Variants in MYBL1 observed in about 807,000 individuals in gnomAD.
MYBL1 encodes myb-related protein A.
MYBL1 carries 17 observed loss-of-function variants against 96.3 expected under a neutral mutation model. The observed-to-expected ratio is 0.18, with a 90% CI of 0.12 to 0.26. The LOEUF is 0.26. Among genes scored for constraint, MYBL1 ranks in the 10% least tolerant of loss-of-function variants. The probability of loss-of-function intolerance (pLI) is 1.00; values close to 1 mark genes in which losing one functional copy is unlikely to be tolerated. For synonymous variants in MYBL1, 282 were observed against 292.7 expected (o/e 0.96, Z 0.37); for missense variants, 701 against 882.9 (o/e 0.79, Z 2.61).
intron 6 of MYBL1, among the ~76,000 whole-genome samples, chr8:66,593,822 A>G (rs1401226574): frequency 6.6e-6 from 1 of 152,168 alleles, no homozygotes; most frequent in Non-Finnish European, 1.5e-5. Flanking sequence ...AAGAAATATG[A>G]GAGGAGGTGT....
intron 15 of MYBL1, among the ~76,000 whole-genome samples, chr8:66,565,765 T>G (rs1332664953): frequency 6.6e-6 from 1 of 152,094 alleles, no homozygotes; most frequent in Non-Finnish European, 1.5e-5. Flanking sequence ...TATACATATT[T>G]GTTACAGGAG....
At chr8:66,566,287 G>T (rs1808500506) in intron 14 of MYBL1, 44 bp from the exon 15 acceptor site, 1 of 1,156,480 alleles carries the variant, frequency 8.6e-7, no homozygotes. Flanking sequence ...ATTCAAAAAT[G>T]GAGACAAATG....
At chr8:66,568,889 T>C (rs549925943) in intron 12 of MYBL1, among the ~76,000 whole-genome samples, 6 of 151,854 alleles carry the variant, frequency 4.0e-5, no homozygotes, top group African/African-American at 1.4e-4. Context: ...GCCAGGGTGG[T>C]GGTGGGCACC....
At chr8:66,601,177 CAAAA>C (rs1167336780) in intron 3 of MYBL1, among the ~76,000 whole-genome samples, 2 of 13,900 alleles carry the variant, frequency 1.4e-4, no homozygotes, top group Admixed American at 7.8e-4. Context: ...AACTCCGTCT[CAAAA>C]AAAAAAAAAA....
intron 12 of MYBL1, 66 bp from the exon 13 acceptor site, chr8:66,567,058 G>C (rs1586547435): frequency 9.8e-7 from 1 of 1,023,818 alleles, no homozygotes; most frequent in African/African-American, 1.6e-5. Context: ...CCTATATATA[G>C]GAAACCCATC....
rs749167416 is a variant in MYBL1 at position 66,564,737 on chromosome 8, T to G, written c.2219A>C (p.Tyr740Ser). The G allele has an allele frequency of 4.4e-6, 7 of 1,585,426 alleles. No homozygotes were observed. The highest frequency in any genetic ancestry group is 6.0e-6 in the Non-Finnish European group (7 of 1,162,930). The change falls in exon 16 of 16, where the codon TAC becomes TCC. Residue 740 changes from tyrosine (Y) to serine (S), a missense_variant. Coordinates refer to ENST00000522677, the MANE Select transcript of MYBL1 (RefSeq NM_001080416.4). ...TEQARRYLSTYTATSSTSRAL... is the reference protein window; with the variant it reads ...TEQARRYLSTSTATSSTSRAL... ...TCTTGAAGTACTACTGGTAGCTGTG[T>G]AAGTACTCAGATATCTTCTTGCTTG...
At chr8:66,601,151 T>C (rs1351640629) in intron 3 of MYBL1, among the ~76,000 whole-genome samples, 19 of 116,298 alleles carry the variant, frequency 1.6e-4, no homozygotes, top group African/African-American at 6.6e-4. Flanking sequence ...CCCTCCAGAC[T>C]GGGCAACAAG....
chr8:66,595,446 CAA>C (rs1327421853), intron 6 of MYBL1, 135 bp downstream of exon 6: 20 of 426,806 alleles, frequency 4.7e-5, no homozygotes, highest in Middle Eastern at 6.2e-4. Flanking sequence ...ATTTATAAAT[CAA>C]AGTTACACAT....
chr8:66,612,755 G>A, intron 1 of MYBL1, 64 bp downstream of exon 1: 1 of 1,336,536 alleles, frequency 7.5e-7, no homozygotes, highest in East Asian at 2.8e-5. Context: ...GGGGCAGCGG[G>A]ATAGGAAAGA....
At chr8:66,572,318 TCAAAAAAAAAA>T (rs1037915191) in intron 12 of MYBL1, among the ~76,000 whole-genome samples, 153 bp downstream of exon 12, 4 of 146,386 alleles carry the variant, frequency 2.7e-5, no homozygotes, top group Non-Finnish European at 6.0e-5. Context: ...AGACTCCGTC[TCAAAAAAAAAA>T]CAAAAAAAAA....
In MYBL1 at chr8:66,595,777, A is replaced by G. The variant is rs755123140; in HGVS notation, c.513-20T>C. On this transcript the variant is annotated intron_variant, in intron 5 of 15. Transcript: ENST00000522677. ...TCAGTCCTAAGAAAGGAAAGGTATG[A>G]TTTAAAAAGAAAAAAGGATTCCACA... 6.9e-7 allele frequency: 1 copy of G among 1,445,170 alleles called. No homozygotes were observed. The highest frequency in any genetic ancestry group is 1.4e-5 in the South Asian group (1 of 69,824). The allele number at this position is 1,445,170 out of a possible 1,614,324, so 89.5% of individuals were successfully genotyped here. A position where few individuals can be genotyped will look rare whatever the true frequency, so the allele number is the denominator to read the frequency against.
chr8:66,600,954 T>C (rs1810043258), intron 3 of MYBL1, among the ~76,000 whole-genome samples: 1 of 151,900 alleles, frequency 6.6e-6, no homozygotes, highest in Non-Finnish European at 1.5e-5. Flanking sequence ...TTAGATCACC[T>C]GAGGTCGGGA....
At chr8:66,601,964 T>C (rs573551286) in intron 2 of MYBL1, among the ~76,000 whole-genome samples, 195 bp from the exon 3 acceptor site, 9 of 152,324 alleles carry the variant, frequency 5.9e-5, no homozygotes, top group Admixed American at 1.3e-4. Context: ...TTCATGTCTC[T>C]GGTTGAAGAA....
At chr8:66,594,896 C>G (rs1809790601) in intron 6 of MYBL1, among the ~76,000 whole-genome samples, 1 of 152,270 alleles carries the variant, frequency 6.6e-6, no homozygotes, top group South Asian at 2.1e-4. Flanking sequence ...CTGACTTAAT[C>G]TTTACAATTT....
chr8:66,596,884 T>G (rs1489014804), intron 5 of MYBL1, among the ~76,000 whole-genome samples: 2 of 152,182 alleles, frequency 1.3e-5, no homozygotes, highest in Non-Finnish European at 2.9e-5. Context: ...ATACCATAAT[T>G]AATTAAGATT....
intron 1 of MYBL1, among the ~76,000 whole-genome samples, chr8:66,607,013 G>A (rs929118217): frequency 2.6e-5 from 4 of 151,788 alleles, no homozygotes. Flanking sequence ...GGCTGGTCTC[G>A]AACTCCTGAC....
intron 8 of MYBL1, among the ~76,000 whole-genome samples, chr8:66,587,255 T>C (rs528673113): frequency 6.6e-6 from 1 of 152,284 alleles, no homozygotes; most frequent in Non-Finnish European, 1.5e-5. Flanking sequence ...AGGTGATGGA[T>C]ATGCTAATTA....
chr8:66,567,153 A>G (rs1447163537), intron 12 of MYBL1, among the ~76,000 whole-genome samples, 161 bp from the exon 13 acceptor site: 1 of 152,202 alleles, frequency 6.6e-6, no homozygotes, highest in African/African-American at 2.4e-5. Flanking sequence ...TGGCAAAACA[A>G]TATTATACAT....
intron 1 of MYBL1, among the ~76,000 whole-genome samples, chr8:66,611,846 G>C (rs956375869): frequency 6.6e-6 from 1 of 152,178 alleles, no homozygotes; most frequent in Non-Finnish European, 1.5e-5. Context: ...TTCAACTTAG[G>C]AAATACATCT....
Sources: gnomAD v4.1 joint callset for allele counts (sites outside exome capture counted in the v4.1 genomes callset) on GRCh38, gnomAD v4.1.1 for gene constraint, MANE v1.5 for transcripts, NCBI Gene and HGNC (gene_info 2026-07-23, HGNC 2026-07-21) for gene names.